DOCK10: variants seen among roughly 807,000 people sequenced by gnomAD.
DOCK10 encodes the protein dedicator of cytokinesis 10.
A neutral mutation model predicts 280.1 loss-of-function variants in DOCK10; 145 were observed. The ratio of observed to expected loss-of-function variants is 0.52; its 90% CI spans 0.45 to 0.59. The LOEUF is 0.59. DOCK10 is among the 20% of genes least tolerant of loss of function. The pLI, the probability that DOCK10 is intolerant of heterozygous loss-of-function variation, is 0.00. For synonymous variants in DOCK10, 915 were observed against 942.2 expected (o/e 0.97, Z 0.53); for missense variants, 2,368 against 2,651.7 (o/e 0.89, Z 2.35).
intron 31 of DOCK10, among the ~76,000 whole-genome samples, chr2:224,811,739 G>A (rs1462533209): frequency 2.0e-5 from 3 of 152,008 alleles, no homozygotes. Context: ...TTATTAAATA[G>A]GGAATCCTTT....
intron 24 of DOCK10, among the ~76,000 whole-genome samples, chr2:224,839,255 A>AATTTT (rs1695796680): frequency 1.5e-5 from 2 of 131,726 alleles, no homozygotes; most frequent in East Asian, 4.4e-4. Flanking sequence ...ATTTTTTGTA[A>AATTTT]TTTTTTTTTT....
intron 30 of DOCK10, 128 bp downstream of exon 30, chr2:224,816,489 C>A: frequency 1.5e-6 from 1 of 660,924 alleles, no homozygotes. Context: ...GGGTCTGATA[C>A]CCATGTGACA....
chr2:225,006,534 C>T (rs1386429453), intron 1 of DOCK10, among the ~76,000 whole-genome samples: 1 of 152,128 alleles, frequency 6.6e-6, no homozygotes, highest in Non-Finnish European at 1.5e-5. Flanking sequence ...CTTCATTTTT[C>T]AAAGACCAGT....
At chr2:224,942,419 T>C (rs955710672) in intron 1 of DOCK10, among the ~76,000 whole-genome samples, 4 of 152,278 alleles carry the variant, frequency 2.6e-5, no homozygotes, top group African/African-American at 9.6e-5. Flanking sequence ...TCATTCCTGC[T>C]TTCCTTTGTG....
intron 1 of DOCK10, among the ~76,000 whole-genome samples, chr2:225,021,650 T>C (rs551218792): frequency 1.3e-5 from 2 of 152,322 alleles, no homozygotes; most frequent in East Asian, 1.9e-4. Context: ...TTAGCCCTTT[T>C]GGATTTGTAC....
At position 224,840,667 on chromosome 2, in the gene DOCK10, T is replaced by TG. The variant is rs199924942; in HGVS notation, c.2662-596dup. Among the ~76,000 whole-genome samples the TG allele has an allele frequency of 1.4e-4, 21 of 152,244 alleles. No individual in the cohort carries two copies. The East Asian group carries it at 3.5e-3, about 25-fold the overall frequency. On this transcript the variant is annotated intron_variant, in intron 23 of 55. Transcript: ENST00000258390. ...AACACTTGCACATTGCTGGTAAGAA[T>TG]GTAAATCAGAAGAGCCACTATGGAA...
chr2:225,018,099 A>G lies in DOCK10; in HGVS notation c.123+24153T>C, dbSNP rs1327767080. 2.0e-5 allele frequency among the ~76,000 whole-genome samples: 3 copies of G among 152,250 alleles called. No homozygotes were observed. In the East Asian group the frequency reaches 5.8e-4, roughly 29 times the overall value. ...CAAAAAGGGCATTAAGGAATATTAT[A>G]CCAATGTGACGACTCACTTTGCGAA... On this transcript the variant is annotated intron_variant, in intron 1 of 55. Transcript: ENST00000258390.
At chr2:224,861,480 C>T (rs1697493778) in intron 14 of DOCK10, 1 of 152,268 alleles carries the variant, frequency 6.6e-6, no homozygotes, top group South Asian at 2.1e-4. Context: ...AAACGAATTC[C>T]TGGAGACTGC....
At position 224,787,164 on chromosome 2, in the gene DOCK10, A is replaced by C. The variant is rs74453403; in HGVS notation, c.5542-29T>G. On this transcript the variant is annotated intron_variant, in intron 49 of 55. Transcript: ENST00000258390. ...AAACCATAAGTGAAAGAGTTTCATG[A>C]AGATGATGCTGTCATACAAATAAGG... 3,149 of 1,608,026 alleles carry C rather than the reference A, an allele frequency of 2.0e-3. 52 individuals are homozygous for C. The African/African-American group carries it at 0.036, about 18-fold the overall frequency.
intron 3 of DOCK10, among the ~76,000 whole-genome samples, chr2:224,906,240 C>T (rs556119264): frequency 6.6e-6 from 1 of 152,228 alleles, no homozygotes; most frequent in Admixed American, 6.5e-5. Context: ...AATCGCATAG[C>T]CACACAGCTC....
chr2:224,779,694 A>G (rs1436104502), intron 50 of DOCK10, among the ~76,000 whole-genome samples: 2 of 152,208 alleles, frequency 1.3e-5, no homozygotes, highest in Non-Finnish European at 2.9e-5. Context: ...CAATATAAGA[A>G]TATTGATTAA....
intron 7 of DOCK10, among the ~76,000 whole-genome samples, chr2:224,877,369 T>TTCAAG (rs1698692068): frequency 1.3e-5 from 2 of 152,182 alleles, no homozygotes; most frequent in Non-Finnish European, 2.9e-5. Context: ...GTACGGACAC[T>TTCAAG]TGAAGGATTC....
chr2:224,835,257 C>T (rs936654880), intron 25 of DOCK10, among the ~76,000 whole-genome samples: 9 of 152,148 alleles, frequency 5.9e-5, no homozygotes, highest in African/African-American at 1.9e-4. Flanking sequence ...ATGTGAGTAA[C>T]GTCATCATCA....
At chr2:224,919,217 ATG>A (rs1701541473) in intron 2 of DOCK10, among the ~76,000 whole-genome samples, 1 of 146,126 alleles carries the variant, frequency 6.8e-6, no homozygotes. Flanking sequence ...TGTGGTGTGT[ATG>A]TGTGGTGTGA....
chr2:224,862,449 G>A, intron 14 of DOCK10: 1 of 487,346 alleles, frequency 2.1e-6, no homozygotes, highest in South Asian at 2.8e-5. Context: ...CAGGGTACAT[G>A]TGTCACGGCC....
At chr2:224,983,470 C>T in intron 1 of DOCK10, 1 of 208,866 alleles carries the variant, frequency 4.8e-6, no homozygotes, top group East Asian at 1.1e-4. Flanking sequence ...ATCTTTCTGC[C>T]AAGCTAATTC....
intron 4 of DOCK10, among the ~76,000 whole-genome samples, chr2:224,890,971 G>A (rs1057421951): frequency 2.6e-5 from 4 of 152,180 alleles, no homozygotes; most frequent in Admixed American, 1.3e-4. Context: ...ATTTAAAGGC[G>A]TGCATTCCGA....
intron 27 of DOCK10, among the ~76,000 whole-genome samples, chr2:224,827,022 G>T (rs566101818): frequency 2.0e-5 from 3 of 152,056 alleles, no homozygotes; most frequent in Non-Finnish European, 2.9e-5. Context: ...CAGCACTTTG[G>T]GAGGCTGAGG....
At chr2:224,776,405 C>G (rs542149060) in intron 51 of DOCK10, among the ~76,000 whole-genome samples, 31 of 152,126 alleles carry the variant, frequency 2.0e-4, no homozygotes, top group Non-Finnish European at 3.5e-4. Context: ...TTAAGTTGTT[C>G]TGATACCAAA....
Sources: allele counts gnomAD v4.1 joint callset (sites outside exome capture counted in the v4.1 genomes callset), GRCh38; gene constraint gnomAD v4.1.1; transcripts MANE v1.5; gene names NCBI Gene and HGNC (gene_info 2026-07-23, HGNC 2026-07-21).